MACROH2A1: variants seen among roughly 807,000 people sequenced by gnomAD.
The protein encoded by MACROH2A1 is core histone macro-H2A.1.
Under a neutral mutation model 31.6 loss-of-function variants are expected in MACROH2A1, and 2 were observed. The ratio of observed to expected loss-of-function variants is 0.06; its 90% confidence interval spans 0.03 to 0.20. The LOEUF (loss-of-function observed/expected upper bound fraction) is 0.20, where lower values mean the gene tolerates loss of function less well. MACROH2A1 is among the 10% of genes least tolerant of loss of function. The probability of loss-of-function intolerance (pLI) is 1.00; values close to 1 mark genes in which losing one functional copy is unlikely to be tolerated. For synonymous variants in MACROH2A1, 169 were observed against 189.6 expected, an observed-to-expected ratio of 0.89 and a Z score of 0.89; for missense variants, 230 against 474.0, an observed-to-expected ratio of 0.49 and a Z score of 4.78.
intron 5 of MACROH2A1, chr5:135,359,538 T>C: frequency 1.0e-6 from 1 of 985,060 alleles, no homozygotes; most frequent in Non-Finnish European, 1.2e-6. Flanking sequence ...ACCACAGGAA[T>C]TGCATCATGA....
In MACROH2A1 at chr5:135,363,083, A is replaced by G. The variant is rs148058095; in HGVS notation, c.478-2476T>C. The stretch of plus-strand genomic sequence containing the variant: ...TTAGATTCCTTATTTGGAAAATAAG[A>G]CTGGGTCTGGGAGTGGTGGCTCATG... On this transcript the variant is annotated intron_variant, in intron 4 of 8. Transcript: ENST00000511689. Among the ~76,000 whole-genome samples the G allele has an allele frequency of 4.7e-4, 71 of 152,262 alleles. No individual in the cohort carries two copies. The East Asian group carries it at 0.013, about 27-fold the overall frequency.
chr5:135,377,607 G>A (rs1246443955), intron 2 of MACROH2A1, among the ~76,000 whole-genome samples: 1 of 152,228 alleles, frequency 6.6e-6, no homozygotes, highest in Non-Finnish European at 1.5e-5. Context: ...AGACAGGGGA[G>A]CAGCTTCGCC....
intron 8 of MACROH2A1, among the ~76,000 whole-genome samples, chr5:135,342,647 A>G (rs1330731925): frequency 6.6e-6 from 1 of 152,172 alleles, no homozygotes; most frequent in African/African-American, 2.4e-5. Context: ...TGGGACAGGA[A>G]GTGGAGTAGG....
chr5:135,343,563 G>GT, intron 7 of MACROH2A1, 129 bp from the exon 8 acceptor site: 1 of 1,378,016 alleles, frequency 7.3e-7, no homozygotes, highest in Non-Finnish European at 9.8e-7. Context: ...TGTCCGAGGA[G>GT]TTCCACAGCT....
intron 8 of MACROH2A1, among the ~76,000 whole-genome samples, chr5:135,339,197 C>T (rs1324735958): frequency 2.0e-5 from 3 of 152,186 alleles, no homozygotes; most frequent in Non-Finnish European, 4.4e-5. Flanking sequence ...TCTGTAATGC[C>T]CTTTGCCTTT....
chr5:135,392,559 G>C (rs1186019293), intron 1 of MACROH2A1, among the ~76,000 whole-genome samples: 4 of 152,148 alleles, frequency 2.6e-5, no homozygotes, highest in Non-Finnish European at 4.4e-5. Context: ...AGCAATGTGT[G>C]GTGGTTTTCA....
intron 5 of MACROH2A1, chr5:135,359,263 T>C (rs17168199): frequency 0.069 from 68,196 of 985,062 alleles, 4,860 homozygotes; most frequent in African/African-American, 0.35. Flanking sequence ...GTATTTCAAA[T>C]GGAAGTAATG....
intron 4 of MACROH2A1, chr5:135,362,111 T>C (rs1268962436): frequency 6.6e-6 from 1 of 152,248 alleles, no homozygotes; most frequent in Non-Finnish European, 1.5e-5. Context: ...GAGCCAAGAA[T>C]AGGAAAGGCT....
chr5:135,393,524 C>T (rs529448868), intron 1 of MACROH2A1, among the ~76,000 whole-genome samples: 48 of 152,236 alleles, frequency 3.2e-4, no homozygotes, highest in Non-Finnish European at 5.9e-4. Flanking sequence ...AAACAGACAG[C>T]CCTACATCAT....
Position 135,334,823 on chromosome 5 carries a change from CAATT to C in MACROH2A1, c.*149_*152del, listed in dbSNP as rs939121740. ...TAAAAACATTTTAGAAGGTCAAAAA[CAATT>C]AAACTGGAAACCAAAGCCTTATTTT... On this transcript the variant is annotated 3_prime_UTR_variant, in exon 9 of 9. Transcript: ENST00000511689. 1.2e-5 allele frequency: 8 copies of C among 667,030 alleles called. No homozygotes were observed. Among genetic ancestry groups the C allele is most frequent in the East Asian group, 2.5e-5 (1 of 39,262 alleles). 41.3% of individuals were successfully genotyped at this position (667,030 alleles called of 1,614,324 possible).
chr5:135,367,786 T>C (rs1436187772), intron 4 of MACROH2A1, among the ~76,000 whole-genome samples: 1 of 152,242 alleles, frequency 6.6e-6, no homozygotes, highest in Non-Finnish European at 1.5e-5. Flanking sequence ...CTGGGGCTCA[T>C]AATCAAAAGA....
At chr5:135,394,857 G>A (rs1304674526) in intron 1 of MACROH2A1, among the ~76,000 whole-genome samples, 2 of 152,186 alleles carry the variant, frequency 1.3e-5, no homozygotes, top group African/African-American at 2.4e-5. Flanking sequence ...CAGCTACAAG[G>A]TAGCTGATTA....
rs560835368 is a variant in MACROH2A1 at position 135,361,807 on chromosome 5, T to C, written c.478-1200A>G. The C allele has an allele frequency of 3.9e-5, 6 of 152,336 alleles. No homozygotes were observed. In the South Asian group the frequency reaches 1.2e-3, roughly 32 times the overall value. 9.4% of individuals were successfully genotyped at this position (152,336 alleles called of 1,614,324 possible). Reference sequence around the variant, plus strand: ...AACATTTTTTACTTACAATGAAAAGTAAGGTCTACTTTTGCTAATGGCTTT... The same window carrying C: ...AACATTTTTTACTTACAATGAAAAGCAAGGTCTACTTTTGCTAATGGCTTT... On this transcript the variant is annotated intron_variant, in intron 4 of 8. Coordinates refer to ENST00000511689, the MANE Select transcript of MACROH2A1 (RefSeq NM_138610.3).
At chr5:135,376,938 G>T (rs1336466536) in intron 2 of MACROH2A1, among the ~76,000 whole-genome samples, 1 of 152,184 alleles carries the variant, frequency 6.6e-6, no homozygotes, top group African/African-American at 2.4e-5. Context: ...GTGCCAAAAG[G>T]AGGAAAAAAG....
At chr5:135,357,471 T>C (rs1030322229) in intron 5 of MACROH2A1, 14 of 152,288 alleles carry the variant, frequency 9.2e-5, no homozygotes, top group African/African-American at 3.4e-4. Context: ...CTTGAATGGC[T>C]TGCGAGCTGG....
intron 2 of MACROH2A1, among the ~76,000 whole-genome samples, chr5:135,372,675 C>T (rs1413207370): frequency 6.6e-6 from 1 of 152,224 alleles, no homozygotes; most frequent in African/African-American, 2.4e-5. Flanking sequence ...TCCGTAATGC[C>T]ACTGTCCTGC....
At position 135,358,248 on chromosome 5, in the gene MACROH2A1, C is replaced by T. The variant is rs79502215; in HGVS notation, c.588+2249G>A. 2.7e-5 allele frequency: 27 copies of T among 985,288 alleles called. No individual in the cohort carries two copies. The East Asian group carries it at 2.4e-3, about 87-fold the overall frequency. 61.0% of individuals were successfully genotyped at this position (985,288 alleles called of 1,614,324 possible). ...TGCTCTAATGTATCAATGCTCACTC[C>T]GTCTCATGCTGCAGGGGTGTAGGAT... On this transcript the variant is annotated intron_variant, in intron 5 of 8. Transcript: ENST00000511689.
intron 2 of MACROH2A1, among the ~76,000 whole-genome samples, chr5:135,388,325 C>T (rs1243912046): frequency 6.6e-6 from 1 of 152,086 alleles, no homozygotes; most frequent in African/African-American, 2.4e-5. Flanking sequence ...TCTCCAGTGA[C>T]GGGACAAACC....
intron 2 of MACROH2A1, among the ~76,000 whole-genome samples, chr5:135,387,805 G>C (rs557670611): frequency 2.0e-5 from 3 of 152,100 alleles, no homozygotes; most frequent in Non-Finnish European, 2.9e-5. Context: ...CTGTGAACAG[G>C]ACCAAGGACC....
Sources: allele counts gnomAD v4.1 joint callset (sites outside exome capture counted in the v4.1 genomes callset), GRCh38; gene constraint gnomAD v4.1.1; transcripts MANE v1.5; gene names NCBI Gene and HGNC (gene_info 2026-07-23, HGNC 2026-07-21).